Variants in ST6GALNAC5 observed in about 807,000 individuals in gnomAD.
ST6GALNAC5 encodes alpha-N-acetylgalactosaminide alpha-2,6-sialyltransferase 5.
A neutral mutation model predicts 33.6 loss-of-function variants in ST6GALNAC5; 27 were observed. The observed-to-expected ratio is 0.80, with a 90% CI of 0.59 to 1.11. The LOEUF is 1.11. ST6GALNAC5 is among the 50% of genes least tolerant of loss of function. ST6GALNAC5 has a pLI of 0.00. For missense variants in ST6GALNAC5, 428 were observed against 454.0 expected (o/e 0.94, Z 0.52); for synonymous variants, 194 against 171.2 (o/e 1.13, Z -1.04).
intron 2 of ST6GALNAC5, among the ~76,000 whole-genome samples, chr1:76,939,077 T>C (rs1377760514): frequency 6.6e-6 from 1 of 152,046 alleles, no homozygotes; most frequent in Non-Finnish European, 1.5e-5. Flanking sequence ...GTGGCTGCAG[T>C]CTGGGTGGTT....
intron 2 of ST6GALNAC5, among the ~76,000 whole-genome samples, chr1:76,879,218 C>G (rs530754709): frequency 6.6e-6 from 1 of 152,316 alleles, no homozygotes; most frequent in Admixed American, 6.5e-5. Flanking sequence ...TGGGTCCCTT[C>G]CTCTACATTA....
rs76211710 is a variant in ST6GALNAC5, at chr1:77,066,910, A to G, written c.*3704A>G. 0.028 allele frequency among the ~76,000 whole-genome samples: 4,208 copies of G among 152,288 alleles called. 76 individuals carry two copies. Among genetic ancestry groups the G allele is most frequent in the African/African-American group, 0.041 (1,710 of 41,572 alleles). On this transcript the variant is annotated 3_prime_UTR_variant, in exon 5 of 5. Coordinates refer to ENST00000477717, the MANE Select transcript of ST6GALNAC5 (RefSeq NM_030965.3). The stretch of plus-strand genomic sequence containing the variant: ...TTGTAGGTTTTTAAACTAAAGATCT[A>G]TCTGGGAAACAGATTTGGGGTAGGT...
intron 2 of ST6GALNAC5, among the ~76,000 whole-genome samples, chr1:76,969,200 C>T (rs55731983): frequency 1.2e-4 from 18 of 152,238 alleles, no homozygotes; most frequent in Admixed American, 5.2e-4. Flanking sequence ...GAGGGCAAGC[C>T]GAAGCAGGGT....
rs151002473 is a variant in ST6GALNAC5, at chr1:77,008,189, G to T, written c.262-36015G>T. 6.3e-3 allele frequency among the ~76,000 whole-genome samples: 956 copies of T among 152,286 alleles called. 10 individuals are homozygous for T. Among genetic ancestry groups the T allele is most frequent in the African/African-American group, 0.021 (882 of 41,550 alleles). ...AGAGGGGCTGGGACTCTCTGCATGG[G>T]TTAGTTTGCCAGCTAAAACTCACTT... is the stretch of plus-strand genomic sequence containing the variant. On this transcript the variant is annotated intron_variant, in intron 2 of 4. Coordinates refer to ENST00000477717, the MANE Select transcript of ST6GALNAC5 (RefSeq NM_030965.3).
In ST6GALNAC5 at chr1:76,955,047, G is replaced by A. The variant is rs115737718; in HGVS notation, c.261+86305G>A. On this transcript the variant is annotated intron_variant, in intron 2 of 4. Transcript: ENST00000477717. ...AGAGTTTACAATCCAGTGAAGAGGT[G>A]GACAGTGAACAAATAAGCACATTAG... Among the ~76,000 whole-genome samples, 424 of 152,148 alleles carry A rather than the reference G, an allele frequency of 2.8e-3. 1 individual carries two copies. Among genetic ancestry groups the A allele is most frequent in the African/African-American group, 9.7e-3 (404 of 41,526 alleles).
intron 4 of ST6GALNAC5, among the ~76,000 whole-genome samples, chr1:77,054,197 G>A (rs555522671): frequency 1.3e-5 from 2 of 152,272 alleles, no homozygotes; most frequent in Admixed American, 6.5e-5. Flanking sequence ...AAGGTTACTC[G>A]AGGTGCCTGT....
intron 2 of ST6GALNAC5, among the ~76,000 whole-genome samples, chr1:76,907,005 T>C (rs1205629450): frequency 4.6e-5 from 7 of 152,086 alleles, no homozygotes; most frequent in African/African-American, 1.4e-4. Context: ...CATACCCTAA[T>C]AGGCCACTTC....
At chr1:76,909,388 C>A (rs1309663079) in intron 2 of ST6GALNAC5, among the ~76,000 whole-genome samples, 1 of 152,032 alleles carries the variant, frequency 6.6e-6, no homozygotes, top group African/African-American at 2.4e-5. Flanking sequence ...TTTAAAGGAT[C>A]ATCTTGCAGG....
intron 2 of ST6GALNAC5, among the ~76,000 whole-genome samples, chr1:76,995,882 C>T (rs903014568): frequency 3.2e-4 from 49 of 152,018 alleles, no homozygotes; most frequent in African/African-American, 1.1e-3. Context: ...CATTTCATTC[C>T]CACGACTAGC....
At chr1:76,873,779 T>C (rs1653563997) in intron 2 of ST6GALNAC5, among the ~76,000 whole-genome samples, 1 of 152,220 alleles carries the variant, frequency 6.6e-6, no homozygotes, top group African/African-American at 2.4e-5. Context: ...TGAGAAACAC[T>C]GTTTGAAATG....
chr1:76,917,285 C>T (rs1646985405), intron 2 of ST6GALNAC5, among the ~76,000 whole-genome samples: 1 of 151,784 alleles, frequency 6.6e-6, no homozygotes, highest in Non-Finnish European at 1.5e-5. Context: ...CTAAAAGAAC[C>T]AAAAAAACAT....
intron 2 of ST6GALNAC5, among the ~76,000 whole-genome samples, chr1:76,869,787 T>G (rs77284588): frequency 5.1e-4 from 77 of 152,328 alleles, no homozygotes; most frequent in Non-Finnish European, 6.6e-4. Flanking sequence ...TTGAAAGGTA[T>G]AAAAGAATTT....
intron 2 of ST6GALNAC5, among the ~76,000 whole-genome samples, chr1:76,871,101 A>G (rs1484349391): frequency 1.3e-5 from 2 of 152,342 alleles, no homozygotes; most frequent in South Asian, 2.1e-4. Flanking sequence ...GGTTTATTTG[A>G]TATCTTCCTA....
intron 3 of ST6GALNAC5, among the ~76,000 whole-genome samples, chr1:77,048,343 C>T (rs1014838564): frequency 2.6e-5 from 4 of 152,154 alleles, no homozygotes; most frequent in Admixed American, 6.5e-5. Flanking sequence ...AGCTGTCATC[C>T]TCTTCCTGGG....
intron 2 of ST6GALNAC5, among the ~76,000 whole-genome samples, chr1:76,978,189 T>C (rs1649098278): frequency 6.6e-6 from 1 of 152,208 alleles, no homozygotes; most frequent in Admixed American, 6.5e-5. Context: ...TATTTTGTTA[T>C]TGCATTGAGT....
intron 2 of ST6GALNAC5, among the ~76,000 whole-genome samples, chr1:76,877,414 A>G (rs1653671426): frequency 6.6e-6 from 1 of 152,084 alleles, no homozygotes; most frequent in Middle Eastern, 3.4e-3. Context: ...GTCACTTGAT[A>G]AATGGGCCAG....
At chr1:76,927,955 A>G (rs1333693925) in intron 2 of ST6GALNAC5, among the ~76,000 whole-genome samples, 1 of 152,156 alleles carries the variant, frequency 6.6e-6, no homozygotes, top group Non-Finnish European at 1.5e-5. Flanking sequence ...AAGAGTAACC[A>G]CATGTTGTAG....
intron 2 of ST6GALNAC5, among the ~76,000 whole-genome samples, chr1:76,873,479 G>A (rs914521960): frequency 3.3e-5 from 5 of 152,106 alleles, no homozygotes; most frequent in African/African-American, 1.2e-4. Flanking sequence ...AAATTTAATG[G>A]GTACACAATA....
intron 2 of ST6GALNAC5, among the ~76,000 whole-genome samples, chr1:76,965,893 G>C (rs1036432231): frequency 2.6e-5 from 4 of 152,118 alleles, no homozygotes; most frequent in African/African-American, 9.7e-5. Context: ...CTTTTGTCAG[G>C]TTTGTCAAAG....
Sources: gnomAD v4.1 joint callset for allele counts (sites outside exome capture counted in the v4.1 genomes callset) on GRCh38, gnomAD v4.1.1 for gene constraint, MANE v1.5 for transcripts, NCBI Gene and HGNC (gene_info 2026-07-23, HGNC 2026-07-21) for gene names.